Variants in EFCC1 observed in about 807,000 individuals in gnomAD.
EFCC1 encodes EF-hand and coiled-coil domain-containing protein 1.
EFCC1 carries 50 observed loss-of-function variants against 52.1 expected under a neutral mutation model. The observed-to-expected ratio is 0.96, with a 90% CI of 0.76 to 1.21. The LOEUF is 1.21. Ranked by LOEUF, EFCC1 falls within the 50% of genes most tolerant of loss-of-function variation. EFCC1 has a pLI of 0.00. For synonymous variants in EFCC1, 399 were observed against 396.5 expected (o/e 1.01, Z -0.08); for missense variants, 837 against 867.3 (o/e 0.97, Z 0.44).
chr3:129,030,661 G>A, intron 2 of EFCC1, 42 bp from the exon 3 acceptor site: 2 of 1,542,378 alleles, frequency 1.3e-6, no homozygotes, highest in Non-Finnish European at 1.8e-6. Context: ...GAAGAGTCCT[G>A]TACTCTCCTC....
rs144026861 is a variant in EFCC1, at chr3:129,023,166, A to C, written c.981-7537A>C. Among the ~76,000 whole-genome samples the C allele has an allele frequency of 1.4e-3, 211 of 152,354 alleles. 1 individual carries two copies. The highest frequency in any genetic ancestry group is 4.4e-3 in the African/African-American group (184 of 41,594). The stretch of plus-strand genomic sequence containing the variant: ...GTCATGAATTGGGCAGCTGTCAGGG[A>C]CAGCAGAGGTTTGGGGAGCTCAGCC... On this transcript the variant is annotated intron_variant, in intron 2 of 7. Coordinates refer to ENST00000683648, the MANE Select transcript of EFCC1 (RefSeq NM_001377500.1).
chr3:129,033,951 G>A (rs747067550), intron 4 of EFCC1, among the ~76,000 whole-genome samples: 5 of 152,250 alleles, frequency 3.3e-5, no homozygotes, highest in Non-Finnish European at 7.3e-5. Context: ...GGGTGGGAGG[G>A]AAGGTCAGAG....
At chr3:129,002,397 A>T (rs1472338126) in intron 1 of EFCC1, 73 bp downstream of exon 1, 2 of 1,465,852 alleles carry the variant, frequency 1.4e-6, no homozygotes, top group African/African-American at 1.5e-5. Context: ...CTGGCTGCGG[A>T]GCCCGACAGG....
chr3:129,013,171 G>C (rs1306357691), intron 2 of EFCC1, among the ~76,000 whole-genome samples: 1 of 151,992 alleles, frequency 6.6e-6, no homozygotes, highest in Non-Finnish European at 1.5e-5. Flanking sequence ...GAGGACACAA[G>C]GGGGTGGGCA....
intron 3 of EFCC1, 143 bp from the exon 4 acceptor site, chr3:129,032,676 G>A: frequency 7.9e-7 from 1 of 1,267,804 alleles, no homozygotes; most frequent in South Asian, 1.5e-5. Context: ...CTGCACAGGA[G>A]CCTGGGATGT....
chr3:129,002,272 A>G lies in EFCC1; in HGVS notation c.644A>G (p.Glu215Gly), dbSNP rs1439834258. The change falls in exon 1 of 8, where the codon GAG becomes GGG. Residue 215 changes from glutamate to glycine, a missense_variant. Transcript: ENST00000683648. ...EENSSLRELV[E>G]DLRAALQSSD... ...AATAGCAGCTTGCGCGAGTTGGTGGAGGACCTGCGCGCCGCGCTGCAGAGC... is the reference window on the plus strand; with the variant it reads ...AATAGCAGCTTGCGCGAGTTGGTGGGGGACCTGCGCGCCGCGCTGCAGAGC... The G allele has an allele frequency of 1.3e-6, 2 of 1,530,504 alleles. No individual in the cohort carries two copies. Among genetic ancestry groups the G allele is most frequent in the East Asian group, 2.5e-5 (1 of 40,008 alleles). 94.8% of individuals were successfully genotyped at this position (1,530,504 alleles called of 1,614,324 possible). A position where few individuals can be genotyped will look rare whatever the true frequency, so the allele number is the denominator to read the frequency against.
chr3:129,001,509 G>A lies in EFCC1; in HGVS notation c.-120G>A. On this transcript the variant is annotated 5_prime_UTR_variant, in exon 1 of 8. Transcript: ENST00000683648. ...GCTGCTGGACACGGTCCCCGGCGCC[G>A]CTCCAACCAGACCGCGACCGCTAAG... The A allele has an allele frequency of 6.8e-5, 90 of 1,318,056 alleles. No homozygotes were observed. The highest frequency in any genetic ancestry group is 8.5e-5 in the Non-Finnish European group (88 of 1,035,560). The allele number at this position is 1,318,056 out of a possible 1,614,324, so 81.6% of individuals were successfully genotyped here.
intron 2 of EFCC1, among the ~76,000 whole-genome samples, chr3:129,017,778 G>T (rs1945654695): frequency 6.6e-6 from 1 of 152,162 alleles, no homozygotes; most frequent in Non-Finnish European, 1.5e-5. Context: ...AGAACATCAT[G>T]CCATCTCTGA....
intron 2 of EFCC1, among the ~76,000 whole-genome samples, chr3:129,005,772 A>G (rs1404608845): frequency 1.3e-5 from 2 of 152,266 alleles, no homozygotes; most frequent in African/African-American, 4.8e-5. Flanking sequence ...GGAGGCCTCC[A>G]AAGAGGCAGA....
At chr3:129,009,543 A>C (rs1367137118) in intron 2 of EFCC1, among the ~76,000 whole-genome samples, 2 of 152,190 alleles carry the variant, frequency 1.3e-5, no homozygotes, top group Non-Finnish European at 2.9e-5. Context: ...AGGGGCCAGG[A>C]CAATTTGATG....
Position 129,040,049 on chromosome 3 carries a change from TC to T in EFCC1, c.*203del. On this transcript the variant is annotated 3_prime_UTR_variant, in exon 8 of 8. Transcript: ENST00000683648. This position sits in a 1 kb window ranked among gnomAD's most constrained non-coding sequence, Gnocchi z 4.4. The stretch of plus-strand genomic sequence containing the variant: ...GGCAGCCACCCCTTCCTCGGGCTCC[TC>T]CACATTACCTCGCAGCCCCTGCATT... The T allele has an allele frequency of 1.7e-6, 1 of 579,952 alleles. No individual in the cohort carries two copies. The highest frequency in any genetic ancestry group is 1.9e-5 in the African/African-American group (1 of 52,114). The allele number at this position is 579,952 out of a possible 1,614,324, so 35.9% of individuals were successfully genotyped here.
rs750291278 is a variant in EFCC1, at chr3:129,001,843, G to A, written c.215G>A (p.Gly72Asp). ...VFHHLDCRGA[G>D]RLPRADFRAL... ...CACCACCTGGACTGCCGCGGCGCCG[G>A]CCGTCTGCCCCGCGCCGACTTCCGA... Residue 72 changes from glycine (G) to aspartate (D), a missense_variant, in exon 1 of 8, where the codon GGC becomes GAC. Physicochemically the swap from Gly to Asp is moderately conservative, Grantham distance 94 (BLOSUM62 -1). Coordinates refer to ENST00000683648, the MANE Select transcript of EFCC1 (RefSeq NM_001377500.1). 1.3e-6 allele frequency: 2 copies of A among 1,545,542 alleles called. No homozygotes were observed. The highest frequency in any genetic ancestry group is 8.7e-7 in the Non-Finnish European group (1 of 1,145,578).
intron 2 of EFCC1, among the ~76,000 whole-genome samples, chr3:129,009,731 G>A (rs1354364097): frequency 1.3e-5 from 2 of 152,208 alleles, no homozygotes; most frequent in South Asian, 2.1e-4. Flanking sequence ...TCTTGTCTGG[G>A]TAGAATAGCC....
At chr3:129,025,363 G>A (rs1005847199) in intron 2 of EFCC1, among the ~76,000 whole-genome samples, 3 of 152,142 alleles carry the variant, frequency 2.0e-5, no homozygotes, top group South Asian at 2.1e-4. Context: ...GCAGTCTCCC[G>A]GAAGCCACGG....
intron 2 of EFCC1, among the ~76,000 whole-genome samples, chr3:129,020,749 C>G (rs1945803506): frequency 6.6e-6 from 1 of 152,204 alleles, no homozygotes; most frequent in South Asian, 2.1e-4. Context: ...AGGCCAGATG[C>G]CCTTCTCAAA....
chr3:129,033,164 C>T (rs1241002476), intron 4 of EFCC1, among the ~76,000 whole-genome samples, 198 bp downstream of exon 4: 2 of 152,194 alleles, frequency 1.3e-5, no homozygotes, highest in East Asian at 3.9e-4. Context: ...CCTTCCAGGG[C>T]ACATCTCGTG....
chr3:129,027,702 T>A (rs144510837), intron 2 of EFCC1, among the ~76,000 whole-genome samples: 2 of 152,130 alleles, frequency 1.3e-5, no homozygotes, highest in Non-Finnish European at 2.9e-5. Context: ...ACGCCTGTAA[T>A]CTCAGCACTT....
chr3:129,004,065 T>A lies in EFCC1; in HGVS notation c.968T>A (p.Leu323Gln). Reference protein sequence around the residue: ...QRWVRRLEAELQRYRSEDSQL... With the variant: ...QRWVRRLEAEQQRYRSEDSQL... ...TGGGTGCGGCGGCTGGAGGCGGAGC[T>A]GCAACGCTACAGGTGAGCGGGGGCG... is the stretch of plus-strand genomic sequence containing the variant. Residue 323 changes from leucine to glutamine, a missense_variant, in exon 2 of 8, where the codon CTG (leucine) becomes CAG (glutamine). Physicochemically the swap from Leu to Gln is moderately radical, Grantham distance 113. Coordinates refer to ENST00000683648, the MANE Select transcript of EFCC1 (RefSeq NM_001377500.1). 6.6e-7 allele frequency: 1 copy of A among 1,509,326 alleles called. No individual in the cohort carries two copies. The highest frequency in any genetic ancestry group is 1.2e-5 in the South Asian group (1 of 82,710). 93.5% of individuals were successfully genotyped at this position (1,509,326 alleles called of 1,614,324 possible).
chr3:129,005,309 AGAG>A (rs1220590778), intron 2 of EFCC1, among the ~76,000 whole-genome samples: 1 of 152,192 alleles, frequency 6.6e-6, no homozygotes, highest in Non-Finnish European at 1.5e-5. Context: ...CCAGATGGAG[AGAG>A]GAGAAGAGAG....
Sources: gnomAD v4.1 joint callset for allele counts (sites outside exome capture counted in the v4.1 genomes callset) on GRCh38, gnomAD v4.1.1 for gene constraint, Gnocchi (gnomAD v3.1) non-coding constraint, MANE v1.5 for transcripts, NCBI Gene and HGNC (gene_info 2026-07-23, HGNC 2026-07-21) for gene names.